Variants in EDEM1 observed in about 807,000 individuals in gnomAD.
EDEM1 encodes the protein ER degradation enhancing alpha-mannosidase like protein 1.
EDEM1 carries 67 observed loss-of-function variants against 74.4 expected under a neutral mutation model. The observed-to-expected ratio is 0.90, with a 90% confidence interval of 0.74 to 1.10. The LOEUF is 1.10. EDEM1 is among the 50% of genes least tolerant of loss of function. The pLI is 0.00. For synonymous variants in EDEM1, 382 were observed against 335.9 expected (o/e 1.14, Z -1.50); for missense variants, 926 against 851.6 (o/e 1.09, Z -1.09).
At chr3:5,188,988 G>T (rs1412982597) in intron 1 of EDEM1, among the ~76,000 whole-genome samples, 1 of 152,122 alleles carries the variant, frequency 6.6e-6, no homozygotes, top group African/African-American at 2.4e-5. Context: ...CAACGTCATC[G>T]CCCTGTACGA....
chr3:5,192,355 C>A lies in EDEM1; in HGVS notation c.510-2854C>A, dbSNP rs560741204. On this transcript the variant is annotated intron_variant, in intron 1 of 11. Coordinates refer to ENST00000256497, the MANE Select transcript of EDEM1 (RefSeq NM_014674.3). ...CAGGTAGATTTCTGAACAGCTGTTA[C>A]AGGTTAAGTATACATGGGAATTTAA... Among the ~76,000 whole-genome samples, 209 of 152,330 alleles carry A rather than the reference C, an allele frequency of 1.4e-3. 1 individual carries two copies. Among genetic ancestry groups the A allele is most frequent in the African/African-American group, 4.9e-3 (204 of 41,558 alleles).
intron 8 of EDEM1, among the ~76,000 whole-genome samples, chr3:5,209,260 A>G (rs940544960): frequency 6.6e-6 from 1 of 152,200 alleles, no homozygotes; most frequent in African/African-American, 2.4e-5. Flanking sequence ...TAACCTCTCA[A>G]AAAAGGGAAA....
intron 6 of EDEM1, among the ~76,000 whole-genome samples, chr3:5,206,782 C>T (rs2055102236): frequency 6.6e-6 from 1 of 152,208 alleles, no homozygotes; most frequent in South Asian, 2.1e-4. Flanking sequence ...AGAGAAGAGA[C>T]TCTTTGTACC....
chr3:5,205,693 G>A (rs967099828), intron 6 of EDEM1, among the ~76,000 whole-genome samples: 42 of 152,358 alleles, frequency 2.8e-4, no homozygotes, highest in Middle Eastern at 3.4e-3. Flanking sequence ...GGGCCTCTTT[G>A]TAGGTAGCTT....
At chr3:5,210,439 G>T (rs759037616) in intron 9 of EDEM1, among the ~76,000 whole-genome samples, 191 bp downstream of exon 9, 14 of 152,126 alleles carry the variant, frequency 9.2e-5, no homozygotes, top group African/African-American at 2.4e-5. Context: ...TTTCTTTTCC[G>T]TGAGGTTCTA....
intron 5 of EDEM1, among the ~76,000 whole-genome samples, chr3:5,203,672 CT>C (rs1195114865): frequency 6.6e-6 from 1 of 152,080 alleles, no homozygotes; most frequent in African/African-American, 2.4e-5. Context: ...ATAATGACCC[CT>C]ATGTACTCAT....
Position 5,218,047 on chromosome 3 carries a change from C to T in EDEM1, c.*2129C>T, listed in dbSNP as rs927854605. 1 of 152,264 alleles carries T rather than the reference C, an allele frequency of 6.6e-6. No individual in the cohort carries two copies. Among genetic ancestry groups the T allele is most frequent in the African/African-American group, 2.4e-5 (1 of 41,448 alleles). The allele number at this position is 152,264 out of a possible 1,614,324, so 9.4% of individuals were successfully genotyped here. A position where few individuals can be genotyped will look rare whatever the true frequency, so the allele number is the denominator to read the frequency against. On this transcript the variant is annotated 3_prime_UTR_variant, in exon 12 of 12. Coordinates refer to ENST00000256497, the MANE Select transcript of EDEM1 (RefSeq NM_014674.3). ...TGTCACTCGAGCAAGCCTGGGTGTT[C>T]CTTCCTCCTCATGCTCCTGGAATAG...
chr3:5,214,270 C>T (rs1407854815), intron 11 of EDEM1, among the ~76,000 whole-genome samples: 1 of 152,174 alleles, frequency 6.6e-6, no homozygotes. Context: ...AATTTCAAAT[C>T]TTGTTATCCC....
In EDEM1 at chr3:5,201,817, A is replaced by C. The variant is rs1393704418; in HGVS notation, c.751A>C (p.Met251Leu). The change falls in exon 4 of 12, where the codon ATG becomes CTG. Residue 251 changes from methionine (M) to leucine (L), a missense_variant. By Grantham distance (15) the Met-to-Leu change is conservative. Transcript: ENST00000256497. The part of the protein sequence containing the change: ...ITDSKQPFGD[M>L]TIKDYDNELL... The stretch of plus-strand genomic sequence containing the variant: ...TGACTCCAAGCAGCCCTTTGGTGAC[A>C]TGACAATTAAGGACTATGATAATGA... 6.2e-7 allele frequency: 1 copy of C among 1,614,226 alleles called. No individual in the cohort carries two copies. The highest frequency in any genetic ancestry group is 1.1e-5 in the South Asian group (1 of 91,088).
chr3:5,204,942 C>T (rs142584281), intron 5 of EDEM1, 125 bp from the exon 6 acceptor site: 2 of 1,026,270 alleles, frequency 1.9e-6, no homozygotes, highest in African/African-American at 3.2e-5. Flanking sequence ...GCAACCACCT[C>T]CTTCTCCTGT....
rs1242900761 is a variant in EDEM1 at position 5,188,104 on chromosome 3, G to A, written c.299G>A (p.Trp100Ter). 4.6e-6 allele frequency: 7 copies of A among 1,513,658 alleles called. No individual in the cohort carries two copies. The highest frequency in any genetic ancestry group is 6.2e-6 in the Non-Finnish European group (7 of 1,130,076). The allele number at this position is 1,513,658 out of a possible 1,614,324, so 93.8% of individuals were successfully genotyped here. A position where few individuals can be genotyped will look rare whatever the true frequency, so the allele number is the denominator to read the frequency against. ...PGPGMCGPANWGYVLGGRGRG... is the reference protein window; with the variant it reads ...PGPGMCGPAN ...CCGGGGATGTGCGGCCCAGCCAACT[G>A]GGGCTACGTGCTGGGCGGCCGGGGC... Residue 100 changes from tryptophan (W) to a stop codon, truncating the protein, a stop_gained, in exon 1 of 12, where the codon TGG becomes TAG. Coordinates refer to ENST00000256497, the MANE Select transcript of EDEM1 (RefSeq NM_014674.3). LOFTEE classifies it high-confidence loss of function.
At chr3:5,209,694 G>A (rs2055144523) in intron 8 of EDEM1, among the ~76,000 whole-genome samples, 1 of 152,164 alleles carries the variant, frequency 6.6e-6, no homozygotes, top group Admixed American at 6.5e-5. Flanking sequence ...AGGGTGATTA[G>A]AAAGGAAAGG....
intron 11 of EDEM1, among the ~76,000 whole-genome samples, chr3:5,214,829 T>G (rs763592757): frequency 6.6e-6 from 1 of 152,168 alleles, no homozygotes; most frequent in Non-Finnish European, 1.5e-5. Flanking sequence ...CACCAGGGAT[T>G]CAGGCCCTCA....
At chr3:5,196,755 A>G (rs2054972381) in intron 2 of EDEM1, among the ~76,000 whole-genome samples, 1 of 152,130 alleles carries the variant, frequency 6.6e-6, no homozygotes, top group Non-Finnish European at 1.5e-5. Context: ...ACTGATCAAA[A>G]TGTGCCCAGA....
At chr3:5,199,312 G>T (rs2055007110) in intron 2 of EDEM1, among the ~76,000 whole-genome samples, 1 of 152,212 alleles carries the variant, frequency 6.6e-6, no homozygotes, top group Non-Finnish European at 1.5e-5. Context: ...AAGTTTGCTG[G>T]AGAGTGGAGT....
intron 5 of EDEM1, 32 bp downstream of exon 5, chr3:5,203,181 A>G: frequency 6.6e-7 from 1 of 1,507,868 alleles, no homozygotes; most frequent in Non-Finnish European, 8.9e-7. Flanking sequence ...TTGGGACTGC[A>G]CACTGCTTGG....
At position 5,201,672 on chromosome 3, in the gene EDEM1, A is replaced by G. The variant is rs148134641; in HGVS notation, c.687-81A>G. The G allele has an allele frequency of 3.4e-4, 533 of 1,550,044 alleles. 2 individuals are homozygous for G. The African/African-American group carries it at 6.2e-3, about 18-fold the overall frequency. On this transcript the variant is annotated intron_variant, in intron 3 of 11. Coordinates refer to ENST00000256497, the MANE Select transcript of EDEM1 (RefSeq NM_014674.3). ...GTTCTGAGTCTATGTGGATATGAACATACTTCTATCTTTCTGAATTGGATT... is the reference window on the plus strand; with the variant it reads ...GTTCTGAGTCTATGTGGATATGAACGTACTTCTATCTTTCTGAATTGGATT...
At chr3:5,211,781 A>T (rs1367503859) in intron 10 of EDEM1, among the ~76,000 whole-genome samples, 1 of 152,180 alleles carries the variant, frequency 6.6e-6, no homozygotes, top group South Asian at 2.1e-4. Context: ...TACAGCCTAC[A>T]CAGAGGTCAG....
Position 5,201,792 on chromosome 3 carries a change from T to C in EDEM1, c.726T>C (p.Thr242=), listed in dbSNP as rs1197072577. The stretch of plus-strand genomic sequence containing the variant: ...TCCTTTCTGCTCACAGAATAATAAC[T>C]GACTCCAAGCAGCCCTTTGGTGACA... ...GSLLSAHRII[T]DSKQPFGDMT... The change falls in exon 4 of 12, where the codon ACT becomes ACC. Residue 242 remains threonine, a synonymous_variant. Coordinates refer to ENST00000256497, the MANE Select transcript of EDEM1 (RefSeq NM_014674.3). 6 of 1,614,082 alleles carry C rather than the reference T, an allele frequency of 3.7e-6. No individual in the cohort carries two copies. The highest frequency in any genetic ancestry group is 5.1e-6 in the Non-Finnish European group (6 of 1,180,044).
Sources: allele counts gnomAD v4.1 joint callset (sites outside exome capture counted in the v4.1 genomes callset), GRCh38; gene constraint gnomAD v4.1.1; transcripts MANE v1.5; gene names NCBI Gene and HGNC (gene_info 2026-07-23, HGNC 2026-07-21).